The following NPFFR2 variants were observed in gnomAD, a reference collection of about 807,000 sequenced individuals.
NPFFR2 encodes neuropeptide FF receptor 2.
Under a neutral mutation model 13.1 loss-of-function variants are expected in NPFFR2, and 15 were observed. That is an observed-to-expected ratio of 1.15 (90% CI 0.77 to 1.76). The LOEUF (loss-of-function observed/expected upper bound fraction) is 1.76. Among genes scored for constraint, NPFFR2 ranks in the 40% most tolerant of loss-of-function variants. NPFFR2 has a pLI of 0.00. For synonymous variants in NPFFR2, 190 were observed against 175.7 expected, an observed-to-expected ratio of 1.08 and a Z score of -0.65; for missense variants, 572 against 503.5, an observed-to-expected ratio of 1.14 and a Z score of -1.30.
At chr4:72,064,912 T>G (rs1560399656) in intron 1 of NPFFR2, among the ~76,000 whole-genome samples, 3 of 152,066 alleles carry the variant, frequency 2.0e-5, no homozygotes, top group African/African-American at 7.2e-5. Context: ...GAGACTTGTT[T>G]CTTACTTCTT....
chr4:72,075,802 T>C (rs1720409640), intron 1 of NPFFR2, among the ~76,000 whole-genome samples: 1 of 152,038 alleles, frequency 6.6e-6, no homozygotes, highest in Non-Finnish European at 1.5e-5. Flanking sequence ...TTAATGAATA[T>C]AGAATTTCAG....
chr4:72,047,451 A>G lies in NPFFR2; in HGVS notation c.-8+15251A>G, dbSNP rs181998588. ...GGTCTCCACTCATTGTGATTCTAGC[A>G]ATGTGCCCCTAGTCTGCACTGGGAG... is the stretch of plus-strand genomic sequence containing the variant. On this transcript the variant is annotated intron_variant, in intron 1 of 3. Coordinates refer to ENST00000308744, the MANE Select transcript of NPFFR2 (RefSeq NM_004885.3). Among the ~76,000 whole-genome samples the G allele has an allele frequency of 3.5e-3, 538 of 152,178 alleles. 3 individuals are homozygous for G. The highest frequency in any genetic ancestry group is 5.6e-3 in the Non-Finnish European group (381 of 68,002).
chr4:72,074,320 A>G (rs1466884662), intron 1 of NPFFR2, among the ~76,000 whole-genome samples: 1 of 151,996 alleles, frequency 6.6e-6, no homozygotes, highest in African/African-American at 2.4e-5. Context: ...CATAAATCTC[A>G]TCACATAGGG....
In NPFFR2 at chr4:72,128,619, T is replaced by C; in HGVS notation, c.28T>C (p.Ser10Pro). Residue 10 changes from serine (S) to proline (P), a missense_variant, in exon 2 of 4, where the codon TCA becomes CCA. Transcript: ENST00000308744. MNEKWDTNS[S>P]ENWHPIWNVN... ...GAATGAGAAATGGGACACAAACTCT[T>C]CAGAAAACTGGCATCCCATCTGGAA... The C allele has an allele frequency of 6.2e-7, 1 of 1,611,136 alleles. No homozygotes were observed. Among genetic ancestry groups the C allele is most frequent in the South Asian group, 1.1e-5 (1 of 90,812 alleles).
intron 3 of NPFFR2, among the ~76,000 whole-genome samples, chr4:72,143,229 G>A (rs988573505): frequency 3.3e-5 from 5 of 152,134 alleles, no homozygotes; most frequent in East Asian, 1.9e-4. Flanking sequence ...GATTTATTAC[G>A]AGAAATTGAC....
chr4:72,040,425 T>C (rs576393316), intron 1 of NPFFR2, among the ~76,000 whole-genome samples: 2 of 152,284 alleles, frequency 1.3e-5, no homozygotes, highest in South Asian at 4.1e-4. Context: ...TTTGTCATAT[T>C]TTAAAATCTC....
intron 1 of NPFFR2, among the ~76,000 whole-genome samples, chr4:72,067,331 G>C (rs1475706514): frequency 6.6e-6 from 1 of 151,958 alleles, no homozygotes; most frequent in Non-Finnish European, 1.5e-5. Flanking sequence ...AAAGCCCTGA[G>C]GCCCCACAGC....
intron 1 of NPFFR2, among the ~76,000 whole-genome samples, chr4:72,121,513 T>C (rs1489380087): frequency 2.0e-5 from 3 of 152,130 alleles, no homozygotes; most frequent in Non-Finnish European, 4.4e-5. Context: ...AAGGTTGCAT[T>C]ACCCACAAAG....
intron 1 of NPFFR2, among the ~76,000 whole-genome samples, chr4:72,119,881 T>C (rs969388388): frequency 6.6e-6 from 1 of 151,834 alleles, no homozygotes; most frequent in Non-Finnish European, 1.5e-5. Context: ...CTAGCTGCAG[T>C]TTTTCTTTTT....
At chr4:72,109,254 T>A (rs183570571) in intron 1 of NPFFR2, among the ~76,000 whole-genome samples, 1 of 152,146 alleles carries the variant, frequency 6.6e-6, no homozygotes. Context: ...TTATTTATTT[T>A]GCATAACTGA....
chr4:72,127,032 G>T (rs1030930915), intron 1 of NPFFR2, among the ~76,000 whole-genome samples: 1 of 152,026 alleles, frequency 6.6e-6, no homozygotes, highest in Non-Finnish European at 1.5e-5. Flanking sequence ...GCCGGGTGCG[G>T]TGGCTCACGC....
chr4:72,146,268 T>C (rs1046507241), intron 3 of NPFFR2, among the ~76,000 whole-genome samples: 1 of 152,214 alleles, frequency 6.6e-6, no homozygotes, highest in Non-Finnish European at 1.5e-5. Flanking sequence ...CCAAAATGGC[T>C]AAGCTCTTAT....
intron 1 of NPFFR2, among the ~76,000 whole-genome samples, chr4:72,048,487 T>C (rs749340092): frequency 1.6e-4 from 24 of 152,136 alleles, no homozygotes; most frequent in Non-Finnish European, 3.4e-4. Context: ...ATTCACAATA[T>C]ACATATATGC....
intron 1 of NPFFR2, among the ~76,000 whole-genome samples, chr4:72,034,328 C>T (rs1718991707): frequency 6.6e-6 from 1 of 152,134 alleles, no homozygotes. Flanking sequence ...CCTCAGGAGA[C>T]TTACAATCAT....
At position 72,093,000 on chromosome 4, in the gene NPFFR2, T is replaced by G. The variant is rs148011656; in HGVS notation, c.-7-35585T>G. Among the ~76,000 whole-genome samples the G allele has an allele frequency of 5.5e-3, 844 of 152,294 alleles. 11 individuals are homozygous for G. The highest frequency in any genetic ancestry group is 0.019 in the African/African-American group (807 of 41,572). On this transcript the variant is annotated intron_variant, in intron 1 of 3. Coordinates refer to ENST00000308744, the MANE Select transcript of NPFFR2 (RefSeq NM_004885.3). ...GATTGTTTCAAGATGGAGAGCTCCTTTTAACATTTTTTATAGTTCTTGTTT... is the reference window on the plus strand; with the variant it reads ...GATTGTTTCAAGATGGAGAGCTCCTGTTAACATTTTTTATAGTTCTTGTTT...
intron 3 of NPFFR2, among the ~76,000 whole-genome samples, chr4:72,143,010 G>A (rs1004366504): frequency 2.6e-5 from 4 of 152,190 alleles, no homozygotes; most frequent in Non-Finnish European, 5.9e-5. Flanking sequence ...TATTAGGACA[G>A]GGAGTAGTGG....
chr4:72,100,559 C>T (rs1027879358), intron 1 of NPFFR2, among the ~76,000 whole-genome samples: 6 of 151,444 alleles, frequency 4.0e-5, no homozygotes, highest in Admixed American at 1.3e-4. Flanking sequence ...TATACTACTA[C>T]TACTAATACT....
intron 1 of NPFFR2, among the ~76,000 whole-genome samples, chr4:72,125,610 A>G (rs969976362): frequency 1.3e-5 from 2 of 152,204 alleles, no homozygotes; most frequent in East Asian, 1.9e-4. Flanking sequence ...AAGGCTCTAC[A>G]GAAGAATCTG....
At position 72,084,909 on chromosome 4, in the gene NPFFR2, CT is replaced by C. The variant is rs374436039; in HGVS notation, c.-7-43675del. ...TTCTTCTTTCACTTTCTCATTTACCCTGTTCACTCACTCTTGCTTCCTGTAA... is the reference window on the plus strand; with the variant it reads ...TTCTTCTTTCACTTTCTCATTTACCCGTTCACTCACTCTTGCTTCCTGTAA... On this transcript the variant is annotated intron_variant, in intron 1 of 3. Transcript: ENST00000308744. Among the ~76,000 whole-genome samples, 128 of 152,236 alleles carry C rather than the reference CT, an allele frequency of 8.4e-4. 2 individuals carry two copies. In the East Asian group the frequency reaches 0.02, roughly 23 times the overall value.
Sources: allele counts gnomAD v4.1 joint callset (sites outside exome capture counted in the v4.1 genomes callset), GRCh38; gene constraint gnomAD v4.1.1; transcripts MANE v1.5; gene names NCBI Gene and HGNC (gene_info 2026-07-23, HGNC 2026-07-21).